Variants in ACSS2 observed in about 807,000 individuals in gnomAD.
The protein encoded by ACSS2 is acetyl-coenzyme A synthetase, cytoplasmic.
In ACSS2, 58 loss-of-function variants were observed where a neutral mutation model predicts 90.6. The observed-to-expected ratio is 0.64, with a 90% confidence interval of 0.52 to 0.80. ACSS2 has a LOEUF of 0.80. Ranked by LOEUF, ACSS2 falls within the 30% of genes least tolerant of loss-of-function variation. ACSS2 has a pLI of 0.00. For missense variants in ACSS2, 759 were observed against 912.0 expected (o/e 0.83, Z 2.16); for synonymous variants, 300 against 330.9 (o/e 0.91, Z 1.01).
intron 2 of ACSS2, chr20:34,893,617 C>T (rs1461853418): frequency 6.6e-6 from 1 of 150,750 alleles, no homozygotes; most frequent in East Asian, 2.0e-4. Context: ...AACTTCCTGA[C>T]CTCAGGTGAG....
At chr20:34,880,315 G>A (rs1170877640) in intron 1 of ACSS2, among the ~76,000 whole-genome samples, 1 of 152,130 alleles carries the variant, frequency 6.6e-6, no homozygotes, top group Admixed American at 6.5e-5. Context: ...GGAGGGCAAG[G>A]TGGGCTCCCA....
At position 34,925,686 on chromosome 20, in the gene ACSS2, A is replaced by G. The variant is rs1311439728; in HGVS notation, c.1658-12A>G. On this transcript the variant is annotated splice_polypyrimidine_tract_variant and intron_variant, in intron 14 of 17. Transcript: ENST00000360596. ...AGGGTTTTTATTTATTAGGTTTTGC[A>G]TTTCTTCCCAGGCTGCCAGCGGGAC... 6.2e-7 allele frequency: 1 copy of G among 1,611,250 alleles called. No individual in the cohort carries two copies. The highest frequency in any genetic ancestry group is 1.1e-5 in the South Asian group (1 of 90,222).
intron 2 of ACSS2, 41 bp downstream of exon 2, chr20:34,883,030 C>G: frequency 6.7e-7 from 1 of 1,490,768 alleles, no homozygotes; most frequent in Non-Finnish European, 9.2e-7. Context: ...GATAAAAACA[C>G]TCATTTGATA....
At position 34,879,520 on chromosome 20, in the gene ACSS2, CACACACA is replaced by C. The variant is rs780146149; in HGVS notation, c.178+2698_178+2704del. On this transcript the variant is annotated intron_variant, in intron 1 of 17. Transcript: ENST00000360596. ...TGACACACACACACACACACACACACACACACACCCCTACCCCCCCCAAAAAAACCCA... is the reference window on the plus strand; with the variant it reads ...TGACACACACACACACACACACACACCCCCTACCCCCCCCAAAAAAACCCA... Among the ~76,000 whole-genome samples the C allele has an allele frequency of 5.0e-4, 54 of 106,970 alleles. No homozygotes were observed. The East Asian group carries it at 6.7e-3, about 13-fold the overall frequency. The allele number at this position is 106,970 out of a possible 152,430, so 70.2% of individuals were successfully genotyped here.
At chr20:34,883,403 T>C (rs1015853171) in intron 2 of ACSS2, among the ~76,000 whole-genome samples, 1 of 152,222 alleles carries the variant, frequency 6.6e-6, no homozygotes, top group African/African-American at 2.4e-5. Context: ...ACTATCTCCT[T>C]TGATGCTTAT....
rs368562342 is a variant in ACSS2, at chr20:34,882,767, A to G, written c.179-27A>G. On this transcript the variant is annotated intron_variant, in intron 1 of 17. Coordinates refer to ENST00000360596, the MANE Select transcript of ACSS2 (RefSeq NM_018677.4). The stretch of plus-strand genomic sequence containing the variant: ...CTAAATATGTCTCAGAAGATTAATG[A>G]TATCTGGGCTTCCATTTCTGTTGCA... 8.7e-6 allele frequency: 14 copies of G among 1,603,886 alleles called. No individual in the cohort carries two copies. In the African/African-American group the frequency reaches 1.5e-4, roughly 17 times the overall value.
Position 34,913,823 on chromosome 20 carries a change from C to T in ACSS2, c.641C>T (p.Thr214Ile). 1 of 1,613,794 alleles carries T rather than the reference C, an allele frequency of 6.2e-7. No individual in the cohort carries two copies. Among genetic ancestry groups the T allele is most frequent in the Non-Finnish European group, 8.5e-7 (1 of 1,179,736 alleles). ...TCCAGCTGCAGTCTTCTCATCACTA[C>T]AGGTGACTAATTCTCTCACCTCTTC... ...LDSSCSLLITTDAFYRGEKLV... is the reference protein window; with the variant it reads ...LDSSCSLLITIDAFYRGEKLV... Residue 214 changes from threonine to isoleucine, a missense_variant and splice_region_variant, in exon 5 of 18, where the codon ACA (threonine) becomes ATA (isoleucine). By Grantham distance (89) the Thr-to-Ile change is moderately conservative (BLOSUM62 -1). Transcript: ENST00000360596.
At chr20:34,911,338 C>T (rs757942216) in intron 2 of ACSS2, among the ~76,000 whole-genome samples, 1 of 152,066 alleles carries the variant, frequency 6.6e-6, no homozygotes, top group Non-Finnish European at 1.5e-5. Flanking sequence ...CAAGCATGCA[C>T]TACCACACCC....
At chr20:34,877,795 G>A (rs1325814576) in intron 1 of ACSS2, among the ~76,000 whole-genome samples, 3 of 138,458 alleles carry the variant, frequency 2.2e-5, no homozygotes, top group African/African-American at 8.8e-5. Context: ...CTCCAGCCTG[G>A]GCGACAGAGC....
intron 2 of ACSS2, among the ~76,000 whole-genome samples, chr20:34,902,159 C>T (rs955873641): frequency 6.6e-6 from 1 of 152,130 alleles, no homozygotes; most frequent in Non-Finnish European, 1.5e-5. Flanking sequence ...TACTGAACAC[C>T]TATTATATAC....
intron 2 of ACSS2, among the ~76,000 whole-genome samples, chr20:34,892,789 G>A (rs1485811113): frequency 6.6e-6 from 1 of 152,188 alleles, no homozygotes; most frequent in Non-Finnish European, 1.5e-5. Flanking sequence ...GCCACATTCT[G>A]TAGGCTTCTC....
chr20:34,899,548 G>A (rs1461855797), intron 2 of ACSS2, among the ~76,000 whole-genome samples: 1 of 150,344 alleles, frequency 6.7e-6, no homozygotes, highest in Non-Finnish European at 1.5e-5. Context: ...GGAGTGCAAT[G>A]GCATGATCTC....
chr20:34,901,939 G>A (rs1276283233), intron 2 of ACSS2, among the ~76,000 whole-genome samples: 2 of 152,124 alleles, frequency 1.3e-5, no homozygotes, highest in Non-Finnish European at 2.9e-5. Flanking sequence ...CTTTGGTATC[G>A]CTACAAATCC....
upstream of ACSS2, chr20:34,876,560 G>GA (rs2079912248): frequency 7.8e-7 from 1 of 1,277,168 alleles, no homozygotes; most frequent in African/African-American, 1.5e-5. Flanking sequence ...CCTCTACGGA[G>GA]GCCCCGCCTC....
upstream of ACSS2, among the ~76,000 whole-genome samples, chr20:34,875,556 G>A (rs964525764): frequency 7.3e-5 from 11 of 150,362 alleles, no homozygotes; most frequent in Admixed American, 5.3e-4. Context: ...GCGACAGAGC[G>A]AGAGACTCCA....
intron 2 of ACSS2, among the ~76,000 whole-genome samples, chr20:34,891,855 G>C (rs940231216): frequency 2.0e-5 from 3 of 152,112 alleles, no homozygotes; most frequent in African/African-American, 4.8e-5. Context: ...CACTTTTTTT[G>C]GAAGTAGGTG....
chr20:34,914,432 G>A lies in ACSS2; in HGVS notation c.829G>A (p.Val277Met). 6.2e-7 allele frequency: 1 copy of A among 1,611,250 alleles called. No individual in the cohort carries two copies. The highest frequency in any genetic ancestry group is 8.5e-7 in the Non-Finnish European group (1 of 1,178,688). Residue 277 changes from valine to methionine, a missense_variant, in exon 7 of 18, where the codon GTG becomes ATG. Transcript: ENST00000360596. ...CCCAATTAAGAGGTCATGCCCAGAT[G>A]TGCAGGTGAGTCTGGCACTGCTATG... ...SPPIKRSCPD[V>M]QISWNQGIDL...
chr20:34,887,072 C>T (rs1057244274), intron 2 of ACSS2, among the ~76,000 whole-genome samples: 1 of 152,292 alleles, frequency 6.6e-6, no homozygotes, highest in African/African-American at 2.4e-5. Flanking sequence ...TGACACATTG[C>T]AAATGTTCAC....
chr20:34,885,840 C>A (rs551844145), intron 2 of ACSS2, among the ~76,000 whole-genome samples: 1 of 152,264 alleles, frequency 6.6e-6, no homozygotes, highest in Admixed American at 6.5e-5. Flanking sequence ...AACAAGACAT[C>A]CTCACTCCAT....
Sources: gnomAD v4.1 joint callset for allele counts (sites outside exome capture counted in the v4.1 genomes callset) on GRCh38, gnomAD v4.1.1 for gene constraint, MANE v1.5 for transcripts, NCBI Gene and HGNC (gene_info 2026-07-23, HGNC 2026-07-21) for gene names.